Variants in MICAL2 observed in about 807,000 individuals in gnomAD.
MICAL2 encodes the protein [F-actin]-monooxygenase MICAL2.
In MICAL2, 77 loss-of-function variants were observed where a neutral mutation model predicts 127.3. That is an observed-to-expected ratio of 0.60 (90% CI 0.50 to 0.73). The LOEUF is 0.73. Ranked by LOEUF, MICAL2 falls within the 30% of genes least tolerant of loss-of-function variation. The pLI is 0.00. For missense variants in MICAL2, 1,351 were observed against 1,434.4 expected (o/e 0.94, Z 0.94); for synonymous variants, 570 against 551.1 (o/e 1.03, Z -0.48).
At chr11:12,169,857 A>G (rs931704264) in intron 3 of MICAL2, among the ~76,000 whole-genome samples, 2 of 152,186 alleles carry the variant, frequency 1.3e-5, no homozygotes, top group Non-Finnish European at 2.9e-5. Flanking sequence ...TGGAGTGGAT[A>G]CTCCCACCAA....
intron 3 of MICAL2, chr11:12,197,749 T>C (rs1448712394): frequency 3.3e-5 from 5 of 152,204 alleles, no homozygotes; most frequent in African/African-American, 1.2e-4. Flanking sequence ...AAAGGCAGAA[T>C]GTCTGCGAAT....
downstream of MICAL2, among the ~76,000 whole-genome samples, chr11:12,288,510 G>A (rs1863855261): frequency 6.6e-6 from 1 of 152,208 alleles, no homozygotes; most frequent in Admixed American, 6.5e-5. Flanking sequence ...GCCCCATGGT[G>A]TCTGGGATGG....
intron 2 of MICAL2, among the ~76,000 whole-genome samples, chr11:12,155,170 T>G (rs1226052073): frequency 1.3e-5 from 2 of 152,202 alleles, no homozygotes; most frequent in Admixed American, 6.5e-5. Context: ...AGGCTTCCCC[T>G]GTTCTGGAAG....
At chr11:12,161,160 C>T (rs531168821) in intron 2 of MICAL2, among the ~76,000 whole-genome samples, 1 of 152,352 alleles carries the variant, frequency 6.6e-6, no homozygotes, top group Non-Finnish European at 1.5e-5. Context: ...GGAAAAACAG[C>T]TAGTGCTTTG....
At chr11:12,161,805 C>T in intron 2 of MICAL2, 2 of 297,858 alleles carry the variant, frequency 6.7e-6, no homozygotes, top group Non-Finnish European at 1.3e-5. Context: ...GTACTGTTGG[C>T]ATTAGCCAGG....
intron 29 of MICAL2, among the ~76,000 whole-genome samples, chr11:12,318,157 CA>C (rs1864251703): frequency 6.6e-6 from 1 of 152,204 alleles, no homozygotes; most frequent in Non-Finnish European, 1.5e-5. Flanking sequence ...TTGCGCTAGG[CA>C]CTTTACACTG....
intron 2 of MICAL2, among the ~76,000 whole-genome samples, chr11:12,139,833 G>A (rs938371464): frequency 1.3e-5 from 2 of 152,020 alleles, no homozygotes; most frequent in African/African-American, 4.8e-5. Flanking sequence ...GAGCAATTCT[G>A]GCTGGCTCAA....
At chr11:12,328,972 C>T (rs2134855927) in intron 32 of MICAL2, among the ~76,000 whole-genome samples, 1 of 149,876 alleles carries the variant, frequency 6.7e-6, no homozygotes, top group Admixed American at 6.6e-5. Flanking sequence ...AATTTAGCAA[C>T]TAGATTTCAG....
At chr11:12,319,289 C>T (rs1427483137) in intron 29 of MICAL2, among the ~76,000 whole-genome samples, 2 of 152,164 alleles carry the variant, frequency 1.3e-5, no homozygotes, top group Non-Finnish European at 2.9e-5. Context: ...CATTCAATTA[C>T]TCTGCAGAAC....
chr11:12,168,237 C>A (rs1294171858), intron 3 of MICAL2, among the ~76,000 whole-genome samples: 1 of 150,630 alleles, frequency 6.6e-6, no homozygotes, highest in Admixed American at 6.6e-5. Flanking sequence ...ACACACCACA[C>A]ACACATACAC....
chr11:12,335,199 G>A (rs1361332829), intron 32 of MICAL2, among the ~76,000 whole-genome samples: 2 of 150,744 alleles, frequency 1.3e-5, no homozygotes, highest in African/African-American at 2.5e-5. Context: ...TTCTCTGATG[G>A]CCAGTGATGA....
chr11:12,269,848 G>A (rs952485253), intron 24 of MICAL2, among the ~76,000 whole-genome samples: 8 of 152,216 alleles, frequency 5.3e-5, no homozygotes, highest in Non-Finnish European at 8.8e-5. Context: ...CTACACACAC[G>A]GGCCAGGTCC....
In MICAL2 at chr11:12,348,153, C is replaced by CAAAAAAAAA; in HGVS notation, c.5516-1672_5516-1664dup. ...TGGGCAACAGAGAAAGACTCTGTCT[C>CAAAAAAAAA]AAAAAAAAAAAAAAAAAAAAAGGCA... On this transcript the variant is annotated intron_variant, in intron 32 of 34. Coordinates refer to the MICAL2 transcript ENST00000646065. Among the ~76,000 whole-genome samples, 3 of 79,140 alleles carry CAAAAAAAAA rather than the reference C, an allele frequency of 3.8e-5. 1 individual carries two copies. Among genetic ancestry groups the CAAAAAAAAA allele is most frequent in the Admixed American group, 1.7e-4 (1 of 6,018 alleles). The allele number at this position is 79,140 out of a possible 152,430, so 51.9% of individuals were successfully genotyped here.
intron 1 of MICAL2, among the ~76,000 whole-genome samples, chr11:12,131,750 G>C (rs888561301): frequency 6.6e-6 from 1 of 152,100 alleles, no homozygotes; most frequent in Non-Finnish European, 1.5e-5. Context: ...GTATGTCCTA[G>C]CTCTGTTTTT....
intron 8 of MICAL2, among the ~76,000 whole-genome samples, chr11:12,217,911 C>A (rs1394117041): frequency 6.6e-6 from 1 of 152,144 alleles, no homozygotes; most frequent in Non-Finnish European, 1.5e-5. Context: ...ATAGCCTGAG[C>A]GTCCAGGTGT....
chr11:12,292,550 C>T (rs1410787974), downstream of MICAL2, among the ~76,000 whole-genome samples: 2 of 152,224 alleles, frequency 1.3e-5, no homozygotes, highest in Non-Finnish European at 2.9e-5. Flanking sequence ...AGGGTTTAGA[C>T]TCCATGCCAG....
chr11:12,280,026 C>A (rs1028700050), intron 1 of MICAL2, among the ~76,000 whole-genome samples: 1 of 152,196 alleles, frequency 6.6e-6, no homozygotes, highest in South Asian at 2.1e-4. Flanking sequence ...ACTGCTTGAG[C>A]AGTTTTGTAC....
chr11:12,269,007 A>G (rs1304002799), intron 24 of MICAL2, among the ~76,000 whole-genome samples: 1 of 152,086 alleles, frequency 6.6e-6, no homozygotes, highest in Non-Finnish European at 1.5e-5. Flanking sequence ...CAAAGGAAAA[A>G]AAAAAATAAG....
intron 2 of MICAL2, among the ~76,000 whole-genome samples, chr11:12,140,225 T>C (rs1360281642): frequency 6.6e-6 from 1 of 152,262 alleles, no homozygotes; most frequent in Non-Finnish European, 1.5e-5. Flanking sequence ...ACTTCATATT[T>C]CTTTGCACTT....
Sources: allele counts gnomAD v4.1 joint callset (sites outside exome capture counted in the v4.1 genomes callset), GRCh38; gene constraint gnomAD v4.1.1; transcripts MANE v1.5; gene names NCBI Gene and HGNC (gene_info 2026-07-23, HGNC 2026-07-21).